The following LSM6 variants were observed in gnomAD, a reference collection of about 807,000 sequenced individuals.
LSM6 encodes LSM6 homolog, U6 small nuclear RNA and mRNA degradation associated.
In LSM6, 2 loss-of-function variants were observed where a neutral mutation model predicts 13.5. That is an observed-to-expected ratio of 0.15 (90% confidence interval 0.06 to 0.47). LSM6 has a LOEUF of 0.47. Among genes scored for constraint, LSM6 ranks in the 20% least tolerant of loss-of-function variants. The pLI, the probability that LSM6 is intolerant of heterozygous loss-of-function variation, is 0.97. For synonymous variants in LSM6, 43 were observed against 34.9 expected, an observed-to-expected ratio of 1.23 and a Z score of -0.82; for missense variants, 58 against 96.4, an observed-to-expected ratio of 0.60 and a Z score of 1.67.
chr4:146,179,837 A>G (rs78055583), intron 1 of LSM6, among the ~76,000 whole-genome samples: 2,871 of 152,320 alleles, frequency 0.019, 39 homozygotes, highest in Middle Eastern at 0.051. Context: ...TATCATTGAC[A>G]ACAGTATTTC....
At chr4:146,182,071 G>A (rs534191448) in intron 1 of LSM6, among the ~76,000 whole-genome samples, 25 of 152,184 alleles carry the variant, frequency 1.6e-4, no homozygotes, top group Non-Finnish European at 3.2e-4. Context: ...CTTTCAGAAA[G>A]CTGTTTAAGG....
chr4:146,182,156 GTCT>G (rs10585075), intron 1 of LSM6, among the ~76,000 whole-genome samples: 10,053 of 152,164 alleles, frequency 0.066, 632 homozygotes, highest in African/African-American at 0.16. Flanking sequence ...ATCTTTCTGT[GTCT>G]TCTTCTTCAT....
At chr4:146,189,599 T>C (rs780891668) in intron 3 of LSM6, 23 bp from the exon 4 acceptor site, 2 of 1,539,864 alleles carry the variant, frequency 1.3e-6, no homozygotes, top group East Asian at 2.3e-5. Context: ...TAAATTTCAA[T>C]TTATGTATTT....
intron 2 of LSM6, chr4:146,183,429 T>G (rs1578679055): frequency 5.5e-6 from 1 of 181,186 alleles, no homozygotes; most frequent in East Asian, 1.4e-4. Flanking sequence ...GTCCCACTCA[T>G]ATAACGTATA....
At chr4:146,186,505 A>G (rs1730353175) in intron 2 of LSM6, among the ~76,000 whole-genome samples, 2 of 152,226 alleles carry the variant, frequency 1.3e-5, no homozygotes, top group Non-Finnish European at 2.9e-5. Flanking sequence ...GAAAAAGATC[A>G]TCAGGTCAAA....
chr4:146,184,950 A>G (rs532742039), intron 2 of LSM6, among the ~76,000 whole-genome samples: 1 of 152,242 alleles, frequency 6.6e-6, no homozygotes, highest in South Asian at 2.1e-4. Context: ...TTTTTTTTAA[A>G]CGTTGAAACA....
Position 146,191,216 on chromosome 4 carries a change from A to G in LSM6, c.*1560A>G, listed in dbSNP as rs1730462528. Reference sequence around the variant, plus strand: ...TAAGGAGAAAATGGATGGCTCTCCAAGTGGAGCATACATGTTCTCATTTGT... The same window carrying G: ...TAAGGAGAAAATGGATGGCTCTCCAGGTGGAGCATACATGTTCTCATTTGT... On this transcript the variant is annotated 3_prime_UTR_variant, in exon 4 of 4. Transcript: ENST00000296581. 6.6e-6 allele frequency: 1 copy of G among 152,192 alleles called. No homozygotes were observed. The highest frequency in any genetic ancestry group is 1.5e-5 in the Non-Finnish European group (1 of 68,024). The allele number at this position is 152,192 out of a possible 1,614,324, so 9.4% of individuals were successfully genotyped here.
intron 2 of LSM6, among the ~76,000 whole-genome samples, chr4:146,186,807 A>G (rs1172297223): frequency 1.3e-5 from 2 of 152,174 alleles, no homozygotes; most frequent in African/African-American, 4.8e-5. Flanking sequence ...GAGTACATTC[A>G]TCTGCTGCAA....
chr4:146,177,636 A>T (rs1479714571), intron 1 of LSM6, among the ~76,000 whole-genome samples: 1 of 145,370 alleles, frequency 6.9e-6, no homozygotes, highest in Non-Finnish European at 1.5e-5. Context: ...TTTTATTTTT[A>T]TTTATTTTTA....
Position 146,187,451 on chromosome 4 carries a change from A to G in LSM6, c.208+64A>G, listed in dbSNP as rs1730373634. 3.0e-6 allele frequency: 3 copies of G among 985,714 alleles called. No individual in the cohort carries two copies. The Admixed American group carries it at 6.2e-5, about 20-fold the overall frequency. The allele number at this position is 985,714 out of a possible 1,614,324, so 61.1% of individuals were successfully genotyped here. A position where few individuals can be genotyped will look rare whatever the true frequency, so the allele number is the denominator to read the frequency against. ...AGCCTTTCTATTTATAATCCAGATCACCAAAGAGGTTTCTAGATAATTTAA... is the reference window on the plus strand; with the variant it reads ...AGCCTTTCTATTTATAATCCAGATCGCCAAAGAGGTTTCTAGATAATTTAA... On this transcript the variant is annotated intron_variant, in intron 3 of 3. Transcript: ENST00000296581.
At chr4:146,177,956 G>A (rs1730147264) in intron 1 of LSM6, among the ~76,000 whole-genome samples, 1 of 152,202 alleles carries the variant, frequency 6.6e-6, no homozygotes, top group Non-Finnish European at 1.5e-5. Flanking sequence ...GCCTTTACCT[G>A]AGTAGACTTC....
chr4:146,176,539 A>G (rs143069556), intron 1 of LSM6: 1 of 152,330 alleles, frequency 6.6e-6, no homozygotes, highest in East Asian at 1.9e-4. Flanking sequence ...AGTGAAGAAA[A>G]TAATATTCAC....
At chr4:146,185,667 T>C (rs914330714) in intron 2 of LSM6, among the ~76,000 whole-genome samples, 13 of 118,852 alleles carry the variant, frequency 1.1e-4, no homozygotes, top group African/African-American at 5.1e-4. Flanking sequence ...TGTTGCTTGT[T>C]TGTTTGTTTG....
chr4:146,182,675 A>G (rs753461334), intron 1 of LSM6, among the ~76,000 whole-genome samples: 22 of 152,350 alleles, frequency 1.4e-4, no homozygotes, highest in Non-Finnish European at 2.2e-4. Context: ...AGACTGTGCC[A>G]TGGTGTTGTG....
chr4:146,184,813 A>G (rs1270452569), intron 2 of LSM6, among the ~76,000 whole-genome samples: 1 of 152,220 alleles, frequency 6.6e-6, no homozygotes, highest in East Asian at 1.9e-4. Flanking sequence ...AAAAGGAAAT[A>G]ATACAGAAAA....
chr4:146,177,258 A>G (rs1730132677), intron 1 of LSM6, among the ~76,000 whole-genome samples: 1 of 152,232 alleles, frequency 6.6e-6, no homozygotes, highest in South Asian at 2.1e-4. Flanking sequence ...TCTGTGCTGT[A>G]TCAGGCAGTC....
At chr4:146,176,336 G>C (rs1002947202) in intron 1 of LSM6, 1 of 152,270 alleles carries the variant, frequency 6.6e-6, no homozygotes, top group South Asian at 2.1e-4. Flanking sequence ...GTCTTACCAA[G>C]TTGTCAGGTC....
At chr4:146,187,831 T>G (rs751522246) in intron 3 of LSM6, among the ~76,000 whole-genome samples, 3 of 152,230 alleles carry the variant, frequency 2.0e-5, no homozygotes, top group Non-Finnish European at 2.9e-5. Context: ...CATCCTTCAG[T>G]TTGGCAAAAA....
At chr4:146,188,614 G>A (rs929608697) in intron 3 of LSM6, among the ~76,000 whole-genome samples, 2 of 152,184 alleles carry the variant, frequency 1.3e-5, no homozygotes, top group Non-Finnish European at 2.9e-5. Context: ...CAGAAGCCGA[G>A]TAGGCATGGA....
Sources: allele counts gnomAD v4.1 joint callset (sites outside exome capture counted in the v4.1 genomes callset), GRCh38; gene constraint gnomAD v4.1.1; transcripts MANE v1.5; gene names NCBI Gene and HGNC (gene_info 2026-07-23, HGNC 2026-07-21).